IPO4: variants seen among roughly 807,000 people sequenced by gnomAD.
The protein encoded by IPO4 is importin 4.
IPO4 carries 91 observed loss-of-function variants against 133.5 expected under a neutral mutation model. That is an observed-to-expected ratio of 0.68 (90% confidence interval 0.58 to 0.81). The LOEUF is 0.81. Among genes scored for constraint, IPO4 ranks in the 30% least tolerant of loss-of-function variants. The pLI is 0.00. For synonymous variants in IPO4, 607 were observed against 581.6 expected (o/e 1.04, Z -0.63); for missense variants, 1,279 against 1,386.2 (o/e 0.92, Z 1.23).
rs200716623 is a variant in IPO4 at position 24,185,516 on chromosome 14, C to G, written c.1221G>C (p.Ser407=). Residue 407 remains serine, a synonymous_variant, in exon 13 of 30, where the codon TCG becomes TCC. Transcript: ENST00000354464. The stretch of plus-strand genomic sequence containing the variant: ...ACAGCGCAGCATTGCGTACAACTTG[C>G]GAGGGGTCCTCCAGGCCCTTGCACA... ...QIVCKGLEDP[S]QVVRNAALFA... is the part of the protein sequence containing the mutation. 2 of 1,614,150 alleles carry G rather than the reference C, an allele frequency of 1.2e-6. No individual in the cohort carries two copies. The highest frequency in any genetic ancestry group is 2.2e-5 in the South Asian group (2 of 91,084).
chr14:24,185,773 A>G, intron 12 of IPO4, 88 bp downstream of exon 12: 1 of 1,104,714 alleles, frequency 9.1e-7, no homozygotes, highest in Admixed American at 1.8e-5. Flanking sequence ...AACGCTGTTG[A>G]TAAATAAGCT....
rs768870557 is a variant in IPO4, at chr14:24,188,645, G to C, written c.70-7C>G. On this transcript the variant is annotated splice_region_variant and splice_polypyrimidine_tract_variant and intron_variant, in intron 1 of 29. Coordinates refer to ENST00000354464, the MANE Select transcript of IPO4 (RefSeq NM_024658.4). ...TCTGGAGCTGTTCCGTGGCCTGGGGGGAAGCTAGGGGTGAGAGTTGGGCCT... is the reference window on the plus strand; with the variant it reads ...TCTGGAGCTGTTCCGTGGCCTGGGGCGAAGCTAGGGGTGAGAGTTGGGCCT... 1.9e-6 allele frequency: 3 copies of C among 1,608,770 alleles called. No homozygotes were observed. The highest frequency in any genetic ancestry group is 2.5e-6 in the Non-Finnish European group (3 of 1,177,594).
rs2039175387 is a variant in IPO4 at position 24,183,671 on chromosome 14, G to A, written c.1986-4C>T. The A allele has an allele frequency of 6.2e-7, 1 of 1,614,138 alleles. No individual in the cohort carries two copies. The highest frequency in any genetic ancestry group is 8.5e-7 in the Non-Finnish European group (1 of 1,180,016). ...GAAGGCATTCTCCACGCTGTACCTA[G>A]AGTAAGAAGGGGAGGCAGTGGTGAT... On this transcript the variant is annotated splice_region_variant and splice_polypyrimidine_tract_variant and intron_variant, in intron 19 of 29. Coordinates refer to ENST00000354464, the MANE Select transcript of IPO4 (RefSeq NM_024658.4).
At chr14:24,183,201 G>C (rs1566642248) in intron 22 of IPO4, 32 bp from the exon 23 acceptor site, 1 of 1,611,606 alleles carries the variant, frequency 6.2e-7, no homozygotes, top group South Asian at 1.1e-5. Flanking sequence ...GCACCAGTCA[G>C]GCCCTGCCCC....
Position 24,181,785 on chromosome 14 carries a change from G to T in IPO4, c.2866C>A (p.Arg956Ser). The change falls in exon 27 of 30, where the codon CGT becomes AGT. Residue 956 changes from arginine to serine, a missense_variant. By Grantham distance (110) the Arg-to-Ser change is moderately radical (BLOSUM62 -1). This residue lies in a region of IPO4 where 575 missense variants were observed against 653.4 expected (regional missense o/e 0.88). Coordinates refer to ENST00000354464, the MANE Select transcript of IPO4 (RefSeq NM_024658.4). ...FPLLARERHD[R>S]VRDNICGALA... ...GCCCCACAGATGTTGTCACGGACAC[G>T]ATCATGTCGCTCCCGCGCCAGGAGG... is the stretch of plus-strand genomic sequence containing the variant. The T allele has an allele frequency of 6.2e-7, 1 of 1,601,532 alleles. No individual in the cohort carries two copies. The highest frequency in any genetic ancestry group is 2.2e-5 in the East Asian group (1 of 44,718).
rs762733854 is a variant in IPO4, at chr14:24,186,412, T to C, written c.880A>G (p.Thr294Ala). 7 of 1,607,882 alleles carry C rather than the reference T, an allele frequency of 4.4e-6. No individual in the cohort carries two copies. The highest frequency in any genetic ancestry group is 4.0e-5 in the African/African-American group (3 of 74,706). Reference protein sequence around the residue: ...KNRLLPPLLHTLFPIVAAEPP... With the variant: ...KNRLLPPLLHALFPIVAAEPP... ...TCAGCAGCCACAATGGGGAAAAGGG[T>C]GTGCAGCAAGGGTGGCAGGAGACGA... Residue 294 changes from threonine (T) to alanine (A), a missense_variant, in exon 10 of 30, where the codon ACC becomes GCC. Coordinates refer to ENST00000354464, the MANE Select transcript of IPO4 (RefSeq NM_024658.4).
At position 24,180,731 on chromosome 14, in the gene IPO4, G is replaced by A. The variant is rs140141733; in HGVS notation, c.3073C>T (p.Arg1025Cys). 1.1e-5 allele frequency: 18 copies of A among 1,613,940 alleles called. No homozygotes were observed. The highest frequency in any genetic ancestry group is 5.3e-5 in the African/African-American group (4 of 74,926). The stretch of plus-strand genomic sequence containing the variant: ...TCAGCCAGAATGAGGCTGCAGATAC[G>A]CAGAAGCTCGGGAGCCACATCTATA... Reference protein sequence around the residue: ...QVIDVAPELLRICSLILADNK... With the variant: ...QVIDVAPELLCICSLILADNK... The change falls in exon 29 of 30, where the codon CGT (arginine) becomes TGT (cysteine). Residue 1025 changes from arginine to cysteine, a missense_variant. Arg to Cys is a radical substitution (Grantham distance 180). This residue lies in a region of IPO4 where 575 missense variants were observed against 653.4 expected (regional missense o/e 0.88). Transcript: ENST00000354464.
chr14:24,187,957 A>G, intron 4 of IPO4, 161 bp from the exon 5 acceptor site: 1 of 856,552 alleles, frequency 1.2e-6, no homozygotes, highest in Non-Finnish European at 1.8e-6. Context: ...AGGGAGCCCA[A>G]CAGCACTGTG....
Position 24,180,787 on chromosome 14 carries a change from C to A in IPO4, c.3046-29G>T, listed in dbSNP as rs746757459. On this transcript the variant is annotated intron_variant, in intron 28 of 29. Transcript: ENST00000354464. ...TGAGGAAAGAGTGGCTGACTCAGGG[C>A]AGCAGCCCCAGACCCCAGGTCTAGG... is the stretch of plus-strand genomic sequence containing the variant. 7 of 1,605,442 alleles carry A rather than the reference C, an allele frequency of 4.4e-6. No individual in the cohort carries two copies. The Middle Eastern group carries it at 8.5e-4, about 196-fold the overall frequency.
intron 12 of IPO4, 79 bp downstream of exon 12, chr14:24,185,782 C>T: frequency 8.5e-7 from 1 of 1,175,276 alleles, no homozygotes; most frequent in Non-Finnish European, 1.3e-6. Context: ...GATAAATAAG[C>T]TTGAACAACA....
chr14:24,184,486 G>A, intron 16 of IPO4, 68 bp from the exon 17 acceptor site: 1 of 1,545,824 alleles, frequency 6.5e-7, no homozygotes. Context: ...GGTGGTGGCT[G>A]GGAGGGATTC....
chr14:24,184,717 C>T lies in IPO4; in HGVS notation c.1569G>A (p.Met523Ile). 1 of 1,613,320 alleles carries T rather than the reference C, an allele frequency of 6.2e-7. No homozygotes were observed. The change falls in exon 16 of 30, where the codon ATG (methionine) becomes ATA (isoleucine). Residue 523 changes from methionine (M) to isoleucine (I), a missense_variant. By Grantham distance (10) the Met-to-Ile change is conservative (BLOSUM62 1). Coordinates refer to ENST00000354464, the MANE Select transcript of IPO4 (RefSeq NM_024658.4). ...ASLLPYFPAIMEHLREFLLTG... is the reference protein window; with the variant it reads ...ASLLPYFPAIIEHLREFLLTG... ...TTAACAGGAATTCCCGCAGGTGCTC[C>T]ATGATGGCAGGGAAGTAGGGCAGCA... is the stretch of plus-strand genomic sequence containing the variant.
intron 29 of IPO4, 31 bp downstream of exon 29, chr14:24,180,658 G>A (rs768891860): frequency 9.9e-6 from 16 of 1,613,066 alleles, no homozygotes; most frequent in South Asian, 2.2e-5. Flanking sequence ...CCAGCCTCCC[G>A]CAAGCCCCTG....
rs1267912363 is a variant in IPO4, at chr14:24,180,400, T to C, written c.*42A>G. On this transcript the variant is annotated 3_prime_UTR_variant, in exon 30 of 30. Transcript: ENST00000354464. ...TGGGCTGAGAGGTGGTCTTAAGGCC[T>C]GGGCAGGCTCTATTCTCTCTGGACT... 1.3e-6 allele frequency: 2 copies of C among 1,587,848 alleles called. No individual in the cohort carries two copies. Among genetic ancestry groups the C allele is most frequent in the East Asian group, 2.3e-5 (1 of 44,200 alleles).
chr14:24,185,557 G>C lies in IPO4; in HGVS notation c.1180C>G (p.Pro394Ala). ...CCCTTGCACACAATCTGCAGCAGTG[G>C]GGGCAGCAGTCTGGATGGGGCAAAC... ...GDHIRQRLLP[P>A]LLQIVCKGLE... Residue 394 changes from proline to alanine, a missense_variant, in exon 13 of 30, where the codon CCA becomes GCA. By Grantham distance (27) the Pro-to-Ala change is conservative. Around this residue, in one of 3 missense-constraint regions of IPO4, gnomAD observed 695 missense variants for 704.1 expected, o/e 0.99. Transcript: ENST00000354464. 1 of 1,613,982 alleles carries C rather than the reference G, an allele frequency of 6.2e-7. No individual in the cohort carries two copies. Among genetic ancestry groups the C allele is most frequent in the Non-Finnish European group, 8.5e-7 (1 of 1,179,880 alleles).
intron 28 of IPO4, 29 bp downstream of exon 28, chr14:24,181,484 C>A: frequency 2.6e-6 from 4 of 1,539,710 alleles, no homozygotes; most frequent in Non-Finnish European, 3.5e-6. Flanking sequence ...GGCACGTTCC[C>A]CTCTGAGGGC....
intron 26 of IPO4, 30 bp downstream of exon 26, chr14:24,181,925 A>C: frequency 6.2e-7 from 1 of 1,608,720 alleles, no homozygotes; most frequent in Non-Finnish European, 8.5e-7. Flanking sequence ...CCCAACCTCC[A>C]GTCCCTCCCG....
At chr14:24,180,664 C>T (rs781154593) in intron 29 of IPO4, 25 bp downstream of exon 29, 7 of 1,613,976 alleles carry the variant, frequency 4.3e-6, no homozygotes, top group Non-Finnish European at 2.5e-6. Context: ...TCCCGCAAGC[C>T]CCTGCCTATG....
In IPO4 at chr14:24,181,532, T is replaced by A. The variant is rs1206350054; in HGVS notation, c.3026A>T (p.Tyr1009Phe). The change falls in exon 28 of 30, where the codon TAC becomes TTC. Residue 1009 changes from tyrosine to phenylalanine, a missense_variant. Coordinates refer to ENST00000354464, the MANE Select transcript of IPO4 (RefSeq NM_024658.4). ...GGTTACCTGGTCAGGGCTGCTCTGG[T>A]ACAGGAAGCTGAAGAGGCGCCCAAT... is the stretch of plus-strand genomic sequence containing the variant. ...VTIGRLFSFLYQSSPDQVIDV... is the reference protein window; with the variant it reads ...VTIGRLFSFLFQSSPDQVIDV... The A allele has an allele frequency of 6.4e-7, 1 of 1,572,086 alleles. No individual in the cohort carries two copies. The highest frequency in any genetic ancestry group is 1.4e-5 in the African/African-American group (1 of 74,024).
Sources: allele counts gnomAD v4.1 joint callset, GRCh38; gene constraint gnomAD v4.1.1; regional missense constraint gnomAD v4.1.1; transcripts MANE v1.5; gene names NCBI Gene and HGNC (gene_info 2026-07-23, HGNC 2026-07-21).